FAT1: variants seen among roughly 807,000 people sequenced by gnomAD.
FAT1 encodes the protein protocadherin Fat 1.
In FAT1, 171 loss-of-function variants were observed where a neutral mutation model predicts 329.8. The observed-to-expected ratio is 0.52, with a 90% confidence interval of 0.46 to 0.59. The LOEUF (loss-of-function observed/expected upper bound fraction) is 0.59. Ranked by LOEUF, FAT1 falls within the 20% of genes least tolerant of loss-of-function variation. The pLI, the probability that FAT1 is intolerant of heterozygous loss-of-function variation, is 0.00. For missense variants in FAT1, 5,672 were observed against 5,774.4 expected, an observed-to-expected ratio of 0.98 and a Z score of 0.57; for synonymous variants, 2,233 against 2,228.6, an observed-to-expected ratio of 1.00 and a Z score of -0.06.
chr4:186,641,747 C>G (rs1741105905), intron 3 of FAT1, among the ~76,000 whole-genome samples: 4 of 152,200 alleles, frequency 2.6e-5, no homozygotes. Context: ...TGGCTCACAC[C>G]TGTAATCCCA....
At chr4:186,691,286 T>C (rs144906996) in intron 2 of FAT1, among the ~76,000 whole-genome samples, 1 of 152,354 alleles carries the variant, frequency 6.6e-6, no homozygotes, top group Non-Finnish European at 1.5e-5. Flanking sequence ...TAGGTGCCTC[T>C]AGTGCAGATT....
Position 186,593,768 on chromosome 4 carries a change from G to T in FAT1, c.13138+1921C>A, listed in dbSNP as rs140695872. On this transcript the variant is annotated intron_variant, in intron 26 of 26. Transcript: ENST00000441802. ...CTGCAGAAGGCAATGCAGCCCTACTGATCGCATGACTTAAGCCCTGTGAGA... is the reference window on the plus strand; with the variant it reads ...CTGCAGAAGGCAATGCAGCCCTACTTATCGCATGACTTAAGCCCTGTGAGA... Among the ~76,000 whole-genome samples the T allele has an allele frequency of 4.8e-3, 735 of 152,282 alleles. 5 individuals are homozygous for T. The highest frequency in any genetic ancestry group is 8.5e-3 in the Non-Finnish European group (576 of 68,022).
chr4:186,651,059 T>TATCTATTATTAAATA (rs1198573528), intron 3 of FAT1, among the ~76,000 whole-genome samples: 144 of 149,226 alleles, frequency 9.6e-4, no homozygotes, highest in African/African-American at 3.0e-3. Flanking sequence ...TTAAATAATT[T>TATCTATTATTAAATA]ATTTATTATT....
rs2126508406 is a variant in FAT1, at chr4:186,619,712, G to A, written c.6874C>T (p.Leu2292=). The A allele has an allele frequency of 6.2e-7, 1 of 1,613,996 alleles. No homozygotes were observed. Among genetic ancestry groups the A allele is most frequent in the Non-Finnish European group, 8.5e-7 (1 of 1,179,898 alleles). The change falls in exon 10 of 27, where the codon CTG becomes TTG. Residue 2292 remains leucine, a synonymous_variant. Transcript: ENST00000441802. ...GTTCCAATTACAGATGCCTCAGACAGGGTCACCGCATAAGACTGCTGAGCA... is the reference window on the plus strand; with the variant it reads ...GTTCCAATTACAGATGCCTCAGACAAGGTCACCGCATAAGACTGCTGAGCA... ...VFAQQSYAVT[L]SEASVIGTSV...
intron 2 of FAT1, among the ~76,000 whole-genome samples, chr4:186,681,233 T>C (rs1470972108): frequency 6.6e-6 from 1 of 152,222 alleles, no homozygotes; most frequent in Non-Finnish European, 1.5e-5. Flanking sequence ...ATTATACCTC[T>C]CTATATTTAC....
intron 2 of FAT1, among the ~76,000 whole-genome samples, chr4:186,684,332 T>C (rs144859396): frequency 1.3e-4 from 20 of 152,302 alleles, no homozygotes; most frequent in African/African-American, 4.8e-4. Flanking sequence ...TGCACAGTTA[T>C]AGGAGTGCTT....
chr4:186,709,627 C>A lies in FAT1; in HGVS notation c.201G>T (p.Ala67=), dbSNP rs761403385. The change falls in exon 2 of 27, where the codon GCG becomes GCT. Residue 67 remains alanine (A), a synonymous_variant. Transcript: ENST00000441802. ...AAACAATTTTGTACCTTACTTCCCACGCTGGATGTGTAATGTAAACACCCA... is the reference window on the plus strand; with the variant it reads ...AAACAATTTTGTACCTTACTTCCCAAGCTGGATGTGTAATGTAAACACCCA... The part of the protein sequence containing the change: ...VKMGVYITHP[A]WEVRYKIVSG... 2.5e-6 allele frequency: 4 copies of A among 1,613,978 alleles called. No homozygotes were observed. The Admixed American group carries it at 5.0e-5, about 20-fold the overall frequency.
At chr4:186,604,354 A>G in intron 18 of FAT1, 23 bp downstream of exon 18, 1 of 1,596,500 alleles carries the variant, frequency 6.3e-7, no homozygotes, top group Non-Finnish European at 8.5e-7. Context: ...CCACAACCAA[A>G]CCACAAAGAA....
At chr4:186,680,880 G>A (rs368042324) in intron 2 of FAT1, among the ~76,000 whole-genome samples, 14 of 152,130 alleles carry the variant, frequency 9.2e-5, no homozygotes, top group African/African-American at 2.4e-4. Flanking sequence ...GACTGAAATC[G>A]GCTTTTCTGA....
At chr4:186,639,897 T>G in intron 3 of FAT1, 114 bp from the exon 4 acceptor site, 1 of 836,054 alleles carries the variant, frequency 1.2e-6, no homozygotes, top group Non-Finnish European at 1.9e-6. Flanking sequence ...ATCCCAGCAC[T>G]TTGGGAGGCC....
chr4:186,606,822 G>A (rs1471188749), intron 16 of FAT1, among the ~76,000 whole-genome samples: 1 of 152,206 alleles, frequency 6.6e-6, no homozygotes, highest in Non-Finnish European at 1.5e-5. Flanking sequence ...ATAAAGCTCT[G>A]TCTTCTAGAA....
intron 3 of FAT1, among the ~76,000 whole-genome samples, chr4:186,656,140 C>A (rs1327445354): frequency 6.6e-6 from 1 of 152,222 alleles, no homozygotes; most frequent in East Asian, 1.9e-4. Flanking sequence ...ACGCTCAGGA[C>A]TGGCTGGTTT....
At chr4:186,697,050 T>C (rs994621376) in intron 2 of FAT1, among the ~76,000 whole-genome samples, 2 of 152,086 alleles carry the variant, frequency 1.3e-5, no homozygotes, top group Admixed American at 6.6e-5. Flanking sequence ...AATTAATTAA[T>C]TAATTAATTC....
intron 20 of FAT1, among the ~76,000 whole-genome samples, chr4:186,602,683 T>C (rs974495402): frequency 6.6e-6 from 1 of 152,154 alleles, no homozygotes; most frequent in East Asian, 1.9e-4. Context: ...TATATAATCA[T>C]TGAAGACACA....
intron 1 of FAT1, among the ~76,000 whole-genome samples, chr4:186,718,828 G>A (rs1166650737): frequency 2.0e-5 from 3 of 151,850 alleles, no homozygotes; most frequent in African/African-American, 4.8e-5. Flanking sequence ...TCCGCCAAAC[G>A]CTGCTCCACA....
chr4:186,637,040 C>T, intron 4 of FAT1, 126 bp from the exon 5 acceptor site: 1 of 792,996 alleles, frequency 1.3e-6, no homozygotes, highest in Admixed American at 2.5e-5. Flanking sequence ...TGACAACATA[C>T]ACAGCAGATC....
chr4:186,597,251 G>C (rs1282565292), intron 24 of FAT1, 80 bp from the exon 25 acceptor site: 2 of 1,382,116 alleles, frequency 1.4e-6, no homozygotes, highest in Non-Finnish European at 1.9e-6. Flanking sequence ...AGAGACTGAA[G>C]ACTAATCCCT....
chr4:186,592,988 T>C lies in FAT1; in HGVS notation c.13138+2701A>G, dbSNP rs546124959. On this transcript the variant is annotated intron_variant, in intron 26 of 26. Transcript: ENST00000441802. ...ATCAAAGGAATAACGTAAACATATT[T>C]TATTGGAATTTAAACAAAAAAACTT... Among the ~76,000 whole-genome samples, 18 of 152,372 alleles carry C rather than the reference T, an allele frequency of 1.2e-4. No individual in the cohort carries two copies. In the South Asian group the frequency reaches 3.7e-3, roughly 32 times the overall value.
intron 2 of FAT1, among the ~76,000 whole-genome samples, chr4:186,689,596 A>T (rs1318475201): frequency 6.7e-6 from 1 of 148,746 alleles, no homozygotes; most frequent in Admixed American, 6.6e-5. Context: ...ATATTTTTAA[A>T]GCCATGCCAG....
Sources: allele counts gnomAD v4.1 joint callset (sites outside exome capture counted in the v4.1 genomes callset), GRCh38; gene constraint gnomAD v4.1.1; transcripts MANE v1.5; gene names NCBI Gene and HGNC (gene_info 2026-07-23, HGNC 2026-07-21).